Variants in RFX4 observed in about 807,000 individuals in gnomAD.
RFX4 encodes the protein transcription factor RFX4.
A neutral mutation model predicts 95.0 loss-of-function variants in RFX4; 10 were observed. The ratio of observed to expected loss-of-function variants is 0.11; its 90% CI spans 0.06 to 0.18. The LOEUF (loss-of-function observed/expected upper bound fraction) is 0.18. Ranked by LOEUF, RFX4 falls within the 10% of genes least tolerant of loss-of-function variation. RFX4 has a pLI of 1.00. For missense variants in RFX4, 640 were observed against 922.0 expected (o/e 0.69, Z 3.96); for synonymous variants, 321 against 340.7 (o/e 0.94, Z 0.64).
chr12:106,726,427 A>G (rs1325343811), intron 13 of RFX4, among the ~76,000 whole-genome samples: 1 of 152,134 alleles, frequency 6.6e-6, no homozygotes, highest in Non-Finnish European at 1.5e-5. Context: ...AAATAAGGAA[A>G]TGATTGTATT....
At chr12:106,654,439 T>C (rs1238110292) in intron 4 of RFX4, 88 bp downstream of exon 4, 6 of 1,455,154 alleles carry the variant, frequency 4.1e-6, no homozygotes, top group African/African-American at 2.9e-5. Flanking sequence ...AGTTATTTTT[T>C]TTAAGTTATC....
intron 2 of RFX4, among the ~76,000 whole-genome samples, chr12:106,619,031 T>C (rs1180984347): frequency 6.6e-6 from 1 of 152,192 alleles, no homozygotes; most frequent in Non-Finnish European, 1.5e-5. Context: ...CCATCACATT[T>C]TAACCTCATT....
intron 5 of RFX4, chr12:106,684,569 T>C: frequency 5.3e-6 from 3 of 565,358 alleles, no homozygotes; most frequent in Non-Finnish European, 8.3e-6. Flanking sequence ...AGAAGTGGTC[T>C]GGTCTGAACA....
intron 1 of RFX4, chr12:106,583,789 A>T (rs1474413754): frequency 6.4e-6 from 1 of 155,140 alleles, no homozygotes; most frequent in East Asian, 1.9e-4. Context: ...AGGGCCGGGA[A>T]GCCGAGCGGA....
At chr12:106,696,230 G>A in intron 7 of RFX4, 53 bp from the exon 8 acceptor site, 2 of 1,600,658 alleles carry the variant, frequency 1.2e-6, no homozygotes, top group Non-Finnish European at 1.7e-6. Flanking sequence ...CCAAGCTTCT[G>A]TTGGGAGGGC....
intron 10 of RFX4, among the ~76,000 whole-genome samples, 187 bp downstream of exon 10, chr12:106,711,698 A>C (rs1179044725): frequency 6.6e-6 from 1 of 152,178 alleles, no homozygotes; most frequent in Non-Finnish European, 1.5e-5. Flanking sequence ...ATACAAAATA[A>C]TTTCTGGTAT....
At chr12:106,671,332 G>T (rs1213085207) in intron 4 of RFX4, among the ~76,000 whole-genome samples, 3 of 152,078 alleles carry the variant, frequency 2.0e-5, no homozygotes, top group African/African-American at 7.2e-5. Flanking sequence ...TATTATTTGG[G>T]GTCAAAATTG....
chr12:106,747,401 T>C, intron 15 of RFX4, 36 bp from the exon 16 acceptor site: 2 of 1,602,382 alleles, frequency 1.2e-6, no homozygotes, highest in Non-Finnish European at 1.7e-6. Flanking sequence ...ATATGAGAAC[T>C]GTTAATGATC....
At position 106,586,384 on chromosome 12, in the gene RFX4, G is replaced by A. The variant is rs1482268717; in HGVS notation, c.43+3021G>A. On this transcript the variant is annotated intron_variant, in intron 1 of 17. Coordinates refer to ENST00000392842, the MANE Select transcript of RFX4 (RefSeq NM_213594.3). The surrounding 1 kb of genome is among the most constrained non-coding windows in gnomAD (Gnocchi z 5.6). Reference sequence around the variant, plus strand: ...GGTCCAATCAGGGCTGCTCTGCCCGGGTGATCGTTGCTCAGTTACTCAAGT... The same window carrying A: ...GGTCCAATCAGGGCTGCTCTGCCCGAGTGATCGTTGCTCAGTTACTCAAGT... Among the ~76,000 whole-genome samples the A allele has an allele frequency of 6.6e-6, 1 of 152,146 alleles. No individual in the cohort carries two copies.
Position 106,654,258 on chromosome 12 carries a change from G to T in RFX4, c.222G>T (p.Gly74=). The T allele has an allele frequency of 1.9e-6, 3 of 1,613,882 alleles. No homozygotes were observed. The highest frequency in any genetic ancestry group is 2.5e-6 in the Non-Finnish European group (3 of 1,179,878). Residue 74 remains glycine, a synonymous_variant, in exon 4 of 18, where the codon GGG becomes GGT. Transcript: ENST00000392842. The part of the protein sequence containing the change: ...WLEENYEIAE[G]VCIPRSALYM... The stretch of plus-strand genomic sequence containing the variant: ...AGGAGAACTATGAGATTGCAGAGGG[G>T]GTCTGCATCCCTCGCAGTGCCCTCT...
chr12:106,640,435 A>C (rs971098302), intron 3 of RFX4, among the ~76,000 whole-genome samples: 1 of 152,214 alleles, frequency 6.6e-6, no homozygotes, highest in African/African-American at 2.4e-5. Flanking sequence ...AGAGGAAAAC[A>C]ACACTGGGAG....
chr12:106,616,368 G>A (rs2137224591), intron 2 of RFX4, among the ~76,000 whole-genome samples: 1 of 152,120 alleles, frequency 6.6e-6, no homozygotes, highest in Admixed American at 6.5e-5. Context: ...ATATATTTCA[G>A]GCTGGATTTT....
At chr12:106,696,177 A>G in intron 7 of RFX4, 106 bp from the exon 8 acceptor site, 1 of 1,286,004 alleles carries the variant, frequency 7.8e-7, no homozygotes, top group African/African-American at 1.5e-5. Context: ...CCGCAGGGGA[A>G]GTAGATGACA....
At chr12:106,639,887 T>A (rs1045646535) in intron 3 of RFX4, among the ~76,000 whole-genome samples, 1 of 152,256 alleles carries the variant, frequency 6.6e-6, no homozygotes, top group African/African-American at 2.4e-5. Flanking sequence ...TTGTGTTTGA[T>A]ATTTACAGAT....
chr12:106,718,487 A>G (rs114729086), intron 11 of RFX4, among the ~76,000 whole-genome samples: 192 of 152,336 alleles, frequency 1.3e-3, no homozygotes, highest in African/African-American at 4.4e-3. Flanking sequence ...CACTTGTAAA[A>G]TGGAGGATAA....
intron 13 of RFX4, among the ~76,000 whole-genome samples, chr12:106,722,311 C>A (rs1565994979): frequency 6.6e-6 from 1 of 152,220 alleles, no homozygotes; most frequent in South Asian, 2.1e-4. Flanking sequence ...CAGCGAGCAT[C>A]CTCTCCATGC....
chr12:106,668,890 G>A lies in RFX4; in HGVS notation c.316-13103G>A, dbSNP rs151324250. ...AATTTGCTGAACTTTTCAGGAAAAGGCTGGCTTATGGATAGGCACTAGATA... is the reference window on the plus strand; with the variant it reads ...AATTTGCTGAACTTTTCAGGAAAAGACTGGCTTATGGATAGGCACTAGATA... On this transcript the variant is annotated intron_variant, in intron 4 of 17. Coordinates refer to ENST00000392842, the MANE Select transcript of RFX4 (RefSeq NM_213594.3). Among the ~76,000 whole-genome samples, 1,232 of 152,276 alleles carry A rather than the reference G, an allele frequency of 8.1e-3. 3 individuals carry two copies. Among genetic ancestry groups the A allele is most frequent in the Admixed American group, 0.012 (189 of 15,296 alleles).
At chr12:106,687,701 A>G (rs1454433544) in intron 6 of RFX4, among the ~76,000 whole-genome samples, 1 of 152,228 alleles carries the variant, frequency 6.6e-6, no homozygotes, top group Non-Finnish European at 1.5e-5. Context: ...TCCCAGTACT[A>G]TCTTTACAAC....
intron 1 of RFX4, among the ~76,000 whole-genome samples, chr12:106,593,803 T>C (rs1303130071): frequency 1.3e-5 from 2 of 152,226 alleles, no homozygotes; most frequent in African/African-American, 2.4e-5. Flanking sequence ...TTATAATTTG[T>C]GTACTGAATC....
Sources: allele counts gnomAD v4.1 joint callset (sites outside exome capture counted in the v4.1 genomes callset), GRCh38; gene constraint gnomAD v4.1.1; non-coding constraint Gnocchi (gnomAD v3.1); transcripts MANE v1.5; gene names NCBI Gene and HGNC (gene_info 2026-07-23, HGNC 2026-07-21).